Variants in MAMDC2 observed in about 807,000 individuals in gnomAD.
MAMDC2 encodes the protein MAM domain containing 2, also known as MAM domain-containing protein 2.
Under a neutral mutation model 89.8 loss-of-function variants are expected in MAMDC2, and 57 were observed. The observed-to-expected ratio is 0.63, with a 90% CI of 0.51 to 0.79. MAMDC2 has a LOEUF of 0.79. Ranked by LOEUF, MAMDC2 falls within the 30% of genes least tolerant of loss-of-function variation. MAMDC2 has a pLI of 0.00. For synonymous variants in MAMDC2, 313 were observed against 293.4 expected (o/e 1.07, Z -0.68); for missense variants, 800 against 820.6 (o/e 0.97, Z 0.31).
chr9:70,223,530 A>G (rs1392600161), intron 12 of MAMDC2, among the ~76,000 whole-genome samples: 2 of 152,202 alleles, frequency 1.3e-5, no homozygotes, highest in Non-Finnish European at 2.9e-5. Context: ...TATGTTATCA[A>G]AAGCAATACA....
chr9:70,155,677 G>A (rs977068889), intron 9 of MAMDC2, among the ~76,000 whole-genome samples: 1 of 152,148 alleles, frequency 6.6e-6, no homozygotes, highest in Non-Finnish European at 1.5e-5. Flanking sequence ...CTTCTGGAAA[G>A]ATGTATCTTC....
intron 9 of MAMDC2, among the ~76,000 whole-genome samples, chr9:70,149,207 CAA>C (rs3071388): frequency 0.8 from 87,977 of 109,670 alleles, 34,791 homozygotes; most frequent in Admixed American, 0.85. Flanking sequence ...GACCCCATCT[CAA>C]AAAAAAAAAA....
intron 2 of MAMDC2, among the ~76,000 whole-genome samples, chr9:70,066,779 T>C (rs1439562566): frequency 6.6e-6 from 1 of 152,210 alleles, no homozygotes; most frequent in African/African-American, 2.4e-5. Context: ...CTAGCAATGG[T>C]GCTGATGGGT....
chr9:70,096,538 CA>C (rs1828033274), intron 2 of MAMDC2, among the ~76,000 whole-genome samples: 2 of 152,160 alleles, frequency 1.3e-5, no homozygotes, highest in South Asian at 4.1e-4. Flanking sequence ...CAACTTTCTC[CA>C]TCTAGAACTT....
At chr9:70,209,519 GTTC>G (rs1188814823) in intron 11 of MAMDC2, among the ~76,000 whole-genome samples, 7 of 143,634 alleles carry the variant, frequency 4.9e-5, no homozygotes, top group African/African-American at 1.0e-4. Context: ...ATTCTTCTCT[GTTC>G]TTTTTTATTA....
intron 9 of MAMDC2, among the ~76,000 whole-genome samples, chr9:70,147,670 C>A (rs941468424): frequency 2.7e-5 from 4 of 150,146 alleles, no homozygotes; most frequent in African/African-American, 9.9e-5. Context: ...CAAATTCTCC[C>A]AGATACACAA....
At chr9:70,074,501 G>A (rs1201271329) in intron 2 of MAMDC2, among the ~76,000 whole-genome samples, 1 of 152,236 alleles carries the variant, frequency 6.6e-6, no homozygotes, top group Non-Finnish European at 1.5e-5. Context: ...GTGTGCAGAG[G>A]CTGCAGTACC....
intron 11 of MAMDC2, among the ~76,000 whole-genome samples, chr9:70,190,370 T>G (rs2032853074): frequency 6.6e-6 from 1 of 152,176 alleles, no homozygotes; most frequent in Admixed American, 6.6e-5. Context: ...AGTCAACTAA[T>G]TATTGAACAG....
At chr9:70,210,746 C>A (rs1448202650) in intron 11 of MAMDC2, among the ~76,000 whole-genome samples, 1 of 152,142 alleles carries the variant, frequency 6.6e-6, no homozygotes, top group African/African-American at 2.4e-5. Flanking sequence ...TACAATTTGG[C>A]ATGTTTTTGC....
chr9:70,051,349 C>A (rs1013210435), intron 2 of MAMDC2, among the ~76,000 whole-genome samples: 5 of 152,170 alleles, frequency 3.3e-5, no homozygotes, highest in Admixed American at 2.0e-4. Flanking sequence ...CCTAATAAGA[C>A]ACCTAGGGAT....
intron 11 of MAMDC2, among the ~76,000 whole-genome samples, chr9:70,192,757 C>A (rs948941584): frequency 6.6e-6 from 1 of 152,032 alleles, no homozygotes; most frequent in Admixed American, 6.6e-5. Flanking sequence ...GTTACAGGGA[C>A]CACTGCAACG....
At chr9:70,157,499 G>A (rs1452275841) in intron 9 of MAMDC2, 2 of 152,492 alleles carry the variant, frequency 1.3e-5, no homozygotes, top group Non-Finnish European at 2.9e-5. Flanking sequence ...TGCACTATCT[G>A]TTTAGTACTT....
chr9:70,216,966 A>G (rs2033458593), intron 11 of MAMDC2, among the ~76,000 whole-genome samples: 1 of 152,178 alleles, frequency 6.6e-6, no homozygotes, highest in Non-Finnish European at 1.5e-5. Context: ...ATGTGAAATC[A>G]CCTGGAGCTC....
chr9:70,171,162 T>C (rs2032332781), intron 11 of MAMDC2: 1 of 152,930 alleles, frequency 6.5e-6, no homozygotes, highest in African/African-American at 2.4e-5. Flanking sequence ...CTACTTCATA[T>C]TACCAACATG....
Position 70,160,080 on chromosome 9 carries a change from C to T in MAMDC2, c.1405-8622C>T, listed in dbSNP as rs528996960. 3.7e-4 allele frequency among the ~76,000 whole-genome samples: 56 copies of T among 152,108 alleles called. 1 individual carries two copies. The South Asian group carries it at 9.4e-3, about 25-fold the overall frequency. ...TAAAAAAATTCGCAAGGCATGGTGG[C>T]GCATGCTTGTAATCCCAGCTACTCA... is the stretch of plus-strand genomic sequence containing the variant. On this transcript the variant is annotated intron_variant, in intron 9 of 13. Transcript: ENST00000377182.
At chr9:70,151,420 A>G (rs2031575454) in intron 9 of MAMDC2, among the ~76,000 whole-genome samples, 1 of 152,242 alleles carries the variant, frequency 6.6e-6, no homozygotes, top group South Asian at 2.1e-4. Context: ...TCATCTCTGT[A>G]TCCACAGCAT....
In MAMDC2 at chr9:70,043,991, C is replaced by G. The variant is rs1210768151; in HGVS notation, c.-207C>G. 1.6e-6 allele frequency: 1 copy of G among 619,352 alleles called. No homozygotes were observed. The highest frequency in any genetic ancestry group is 1.8e-5 in the African/African-American group (1 of 54,320). The allele number at this position is 619,352 out of a possible 1,614,324, so 38.4% of individuals were successfully genotyped here. On this transcript the variant is annotated 5_prime_UTR_variant, in exon 1 of 14. Transcript: ENST00000377182. ...CTCAGCGCCGGGGCGCTGGCGCTCT[C>G]CATTCGAGCACCTTCCAGCATACCG...
chr9:70,132,942 T>G (rs1328855736), intron 7 of MAMDC2, among the ~76,000 whole-genome samples: 1 of 152,196 alleles, frequency 6.6e-6, no homozygotes, highest in Non-Finnish European at 1.5e-5. Flanking sequence ...GTAAAACAGA[T>G]AGAACCAGAT....
intron 11 of MAMDC2, among the ~76,000 whole-genome samples, chr9:70,179,760 A>G (rs551695984): frequency 2.4e-4 from 31 of 131,220 alleles, no homozygotes; most frequent in African/African-American, 8.1e-4. Context: ...AGAAAAATAA[A>G]TGAATTATAG....
Sources: gnomAD v4.1 joint callset for allele counts (sites outside exome capture counted in the v4.1 genomes callset) on GRCh38, gnomAD v4.1.1 for gene constraint, MANE v1.5 for transcripts, NCBI Gene and HGNC (gene_info 2026-07-23, HGNC 2026-07-21) for gene names.